NR2F1: variants seen among roughly 807,000 people sequenced by gnomAD.
The protein encoded by NR2F1 is nuclear receptor subfamily 2 group F member 1, also known as COUP transcription factor 1.
A neutral mutation model predicts 37.7 loss-of-function variants in NR2F1; 1 was observed. That is an observed-to-expected ratio of 0.03 (90% confidence interval 0.01 to 0.13). The LOEUF (loss-of-function observed/expected upper bound fraction) is 0.13, where lower values mean the gene tolerates loss of function less well. Ranked by LOEUF, NR2F1 falls within the 10% of genes least tolerant of loss-of-function variation. The pLI is 1.00. For missense variants in NR2F1, 268 were observed against 578.4 expected, an observed-to-expected ratio of 0.46 and a Z score of 5.50; for synonymous variants, 275 against 259.6, an observed-to-expected ratio of 1.06 and a Z score of -0.57.
At chr5:93,587,864 T>A (rs565610394) in intron 1 of NR2F1, 53 bp from the exon 2 acceptor site, 2 of 1,517,048 alleles carry the variant, frequency 1.3e-6, no homozygotes, top group South Asian at 2.6e-5. Context: ...CGCGGCAATG[T>A]TCGCAAGCTC....
chr5:93,585,682 C>A (rs1046973168), intron 1 of NR2F1, 196 bp downstream of exon 1: 6 of 584,438 alleles, frequency 1.0e-5, no homozygotes, highest in Non-Finnish European at 1.8e-5. Flanking sequence ...CTGCCTCCCC[C>A]TCCCGGCCTG....
chr5:93,593,514 C>A lies in NR2F1; in HGVS notation c.992-48C>A, dbSNP rs753149743. 1.3e-6 allele frequency: 2 copies of A among 1,574,422 alleles called. No individual in the cohort carries two copies. The highest frequency in any genetic ancestry group is 2.3e-5 in the East Asian group (1 of 44,262). The stretch of plus-strand genomic sequence containing the variant: ...TTGCCTTTGCTATTTGTCAGCCTAA[C>A]CGTGTGCTCCCTTTCCCTGTCTCTC... On this transcript the variant is annotated intron_variant, in intron 2 of 2. Transcript: ENST00000327111. This position sits in a 1 kb window ranked among gnomAD's most constrained non-coding sequence, Gnocchi z 5.6.
intron 2 of NR2F1, among the ~76,000 whole-genome samples, chr5:93,589,909 C>G (rs951603167): frequency 3.3e-5 from 5 of 152,246 alleles, no homozygotes; most frequent in Non-Finnish European, 7.4e-5. Context: ...CCCCCTTTTA[C>G]TTTCAGTGCA....
intron 2 of NR2F1, among the ~76,000 whole-genome samples, chr5:93,589,971 T>A (rs1249074925): frequency 6.6e-6 from 1 of 152,264 alleles, no homozygotes; most frequent in Non-Finnish European, 1.5e-5. Context: ...GAGGATAAAG[T>A]GCAAACCTTA....
In NR2F1 at chr5:93,593,985, A is replaced by T; in HGVS notation, c.*143A>T. ...GAGGGAGGAGGGCCGAGACAGGAGC[A>T]GCCCACCCAGCAGAAATACAATCCG... On this transcript the variant is annotated 3_prime_UTR_variant, in exon 3 of 3. Coordinates refer to ENST00000327111, the MANE Select transcript of NR2F1 (RefSeq NM_005654.6). This position sits in a 1 kb window ranked among gnomAD's most constrained non-coding sequence, Gnocchi z 5.6. 1 of 672,042 alleles carries T rather than the reference A, an allele frequency of 1.5e-6. No homozygotes were observed. Among genetic ancestry groups the T allele is most frequent in the Non-Finnish European group, 2.5e-6 (1 of 395,752 alleles). The allele number at this position is 672,042 out of a possible 1,614,324, so 41.6% of individuals were successfully genotyped here.
chr5:93,591,815 G>A (rs552626100), intron 2 of NR2F1, among the ~76,000 whole-genome samples: 1 of 152,296 alleles, frequency 6.6e-6, no homozygotes, highest in East Asian at 1.9e-4. Flanking sequence ...ATGGGTCTGG[G>A]TCTGAGTGAG....
chr5:93,588,792 C>CGCGT (rs1013441954), intron 2 of NR2F1, among the ~76,000 whole-genome samples: 4 of 141,004 alleles, frequency 2.8e-5, no homozygotes, highest in Admixed American at 6.9e-5. Context: ...CGCGCGCGCG[C>CGCGT]GTGTGTGTGT....
At position 93,593,584 on chromosome 5, in the gene NR2F1, G is replaced by A. The variant is rs201229023; in HGVS notation, c.1014G>A (p.Ala338=). The change falls in exon 3 of 3, where the codon GCG becomes GCA. Residue 338 remains alanine, a synonymous_variant. Coordinates refer to ENST00000327111, the MANE Select transcript of NR2F1 (RefSeq NM_005654.6). The surrounding 1 kb of genome is among the most constrained non-coding windows in gnomAD (Gnocchi z 5.6). ...FTSDACGLSD[A]AHIESLQEKS... is the part of the protein sequence containing the mutation. ...CAGACGCCTGTGGCCTGTCGGATGC[G>A]GCCCACATCGAGAGCCTGCAGGAGA... The A allele has an allele frequency of 4.3e-5, 69 of 1,613,510 alleles. No homozygotes were observed. The highest frequency in any genetic ancestry group is 3.3e-4 in the Middle Eastern group (2 of 6,080).
At chr5:93,588,976 G>A (rs896807745) in intron 2 of NR2F1, among the ~76,000 whole-genome samples, 4 of 152,148 alleles carry the variant, frequency 2.6e-5, no homozygotes, top group African/African-American at 9.7e-5. Flanking sequence ...GAGAGAGGTG[G>A]AAAGAGAAGA....
rs1274961211 is a variant in NR2F1, at chr5:93,584,810, G to A, written c.-214G>A. 6.7e-4 allele frequency: 104 copies of A among 155,998 alleles called. 3 individuals are homozygous for A. In the East Asian group the frequency reaches 0.012, roughly 18 times the overall value. 9.7% of individuals were successfully genotyped at this position (155,998 alleles called of 1,614,324 possible). A position where few individuals can be genotyped will look rare whatever the true frequency, so the allele number is the denominator to read the frequency against. On this transcript the variant is annotated 5_prime_UTR_variant, in exon 1 of 3. Transcript: ENST00000327111. ...GCGGGCGCGCAGCAGCAGCGGGGCG[G>A]CCGAGGCAGTAGCGGCGGCAGCGGC...
Position 93,583,736 on chromosome 5 carries a change from A to G in NR2F1, c.-1288A>G, listed in dbSNP as rs1753171562. 6.6e-6 allele frequency: 1 copy of G among 152,140 alleles called. No homozygotes were observed. The highest frequency in any genetic ancestry group is 2.4e-5 in the African/African-American group (1 of 41,428). 9.4% of individuals were successfully genotyped at this position (152,140 alleles called of 1,614,324 possible). A position where few individuals can be genotyped will look rare whatever the true frequency, so the allele number is the denominator to read the frequency against. ...TTATAGCAGAAGAAGCAGAAGAAGG[A>G]GCAAGAAAGAGGAAAAGAAGAGGAT... On this transcript the variant is annotated 5_prime_UTR_variant, in exon 1 of 3. Transcript: ENST00000327111.
Position 93,593,974 on chromosome 5 carries a change from G to A in NR2F1, c.*132G>A, listed in dbSNP as rs960391100. ...AGGCTGGGTGGGAGGGAGGAGGGCC[G>A]AGACAGGAGCAGCCCACCCAGCAGA... On this transcript the variant is annotated 3_prime_UTR_variant, in exon 3 of 3. Coordinates refer to ENST00000327111, the MANE Select transcript of NR2F1 (RefSeq NM_005654.6). This position sits in a 1 kb window ranked among gnomAD's most constrained non-coding sequence, Gnocchi z 5.6. The A allele has an allele frequency of 9.0e-6, 7 of 775,556 alleles. No homozygotes were observed. The highest frequency in any genetic ancestry group is 1.7e-5 in the South Asian group (1 of 57,390). The allele number at this position is 775,556 out of a possible 1,614,324, so 48.0% of individuals were successfully genotyped here. A position where few individuals can be genotyped will look rare whatever the true frequency, so the allele number is the denominator to read the frequency against.
chr5:93,588,506 C>T, intron 2 of NR2F1, 62 bp downstream of exon 2: 6 of 1,216,214 alleles, frequency 4.9e-6, no homozygotes, highest in Non-Finnish European at 6.2e-6. Flanking sequence ...CCCGCGCCGC[C>T]CGGGCCTGGC....
At position 93,594,238 on chromosome 5, in the gene NR2F1, C is replaced by CA. The variant is rs1232594981; in HGVS notation, c.*397dup. On this transcript the variant is annotated 3_prime_UTR_variant, in exon 3 of 3. Transcript: ENST00000327111. ...GGATATATTCTGTACAGGAACAACACATATGGAAGTGGACTGAAGCCTATG... is the reference window on the plus strand; with the variant it reads ...GGATATATTCTGTACAGGAACAACACAATATGGAAGTGGACTGAAGCCTATG... The CA allele has an allele frequency of 2.8e-5, 5 of 177,734 alleles. No homozygotes were observed. Among genetic ancestry groups the CA allele is most frequent in the African/African-American group, 1.2e-4 (5 of 42,198 alleles). 11.0% of individuals were successfully genotyped at this position (177,734 alleles called of 1,614,324 possible).
In NR2F1 at chr5:93,585,203, G is replaced by A. The variant is rs1580358489; in HGVS notation, c.180G>A (p.Ala60=). Residue 60 remains alanine (A), a synonymous_variant, in exon 1 of 3, where the codon GCG becomes GCA. Transcript: ENST00000327111. The part of the protein sequence containing the change: ...HTPQTPGQPG[A]PATPGTAGDK... ...CGCAGACCCCGGGCCAGCCCGGAGC[G>A]CCCGCCACCCCCGGCACGGCGGGGG... 11 of 1,538,176 alleles carry A rather than the reference G, an allele frequency of 7.2e-6. No individual in the cohort carries two copies. The highest frequency in any genetic ancestry group is 9.6e-6 in the Non-Finnish European group (11 of 1,142,776).
At position 93,591,195 on chromosome 5, in the gene NR2F1, C is replaced by T. The variant is rs1753323289; in HGVS notation, c.992-2367C>T. Among the ~76,000 whole-genome samples, 5 of 152,248 alleles carry T rather than the reference C, an allele frequency of 3.3e-5. No homozygotes were observed. The South Asian group carries it at 1.0e-3, about 31-fold the overall frequency. On this transcript the variant is annotated intron_variant, in intron 2 of 2. Transcript: ENST00000327111. The stretch of plus-strand genomic sequence containing the variant: ...GTAGAAGAAATATTGAGAGTTCCCA[C>T]ATTGACACTACCGTATAAAAAGTGT...
rs1753218324 is a variant in NR2F1, at chr5:93,585,668, G to A, written c.463+182G>A. On this transcript the variant is annotated intron_variant, in intron 1 of 2. Transcript: ENST00000327111. ...CTCCCCCCGCCCTCCCCAGCTCGCT[G>A]CCGCTGCCTCCCCCTCCCGGCCTGC... 5 of 566,152 alleles carry A rather than the reference G, an allele frequency of 8.8e-6. 1 individual carries two copies. In the Admixed American group the frequency reaches 1.7e-4, roughly 19 times the overall value. The allele number at this position is 566,152 out of a possible 1,614,324, so 35.1% of individuals were successfully genotyped here.
In NR2F1 at chr5:93,588,614, G is replaced by A. The variant is rs1420900160; in HGVS notation, c.991+170G>A. 4.7e-5 allele frequency among the ~76,000 whole-genome samples: 7 copies of A among 149,440 alleles called. No homozygotes were observed. The East Asian group carries it at 1.2e-3, about 25-fold the overall frequency. On this transcript the variant is annotated intron_variant, in intron 2 of 2. Transcript: ENST00000327111. ...GTGACCCCCGCGCGGTGACCGGCTG[G>A]CCGCGCCGCTGCCATCTTGGGAGCG...
chr5:93,593,430 TTC>T lies in NR2F1; in HGVS notation c.992-128_992-127del, dbSNP rs1753368591. 1 of 964,286 alleles carries T rather than the reference TTC, an allele frequency of 1.0e-6. No homozygotes were observed. Among genetic ancestry groups the T allele is most frequent in the Non-Finnish European group, 1.6e-6 (1 of 644,784 alleles). 59.7% of individuals were successfully genotyped at this position (964,286 alleles called of 1,614,324 possible). On this transcript the variant is annotated intron_variant, in intron 2 of 2. Coordinates refer to ENST00000327111, the MANE Select transcript of NR2F1 (RefSeq NM_005654.6). The surrounding 1 kb of genome is among the most constrained non-coding windows in gnomAD (Gnocchi z 5.6). ...AGGTATAGGAGGGTGAATTTTTCTT[TTC>T]TCTTTTACTTCTTTTTTATTTTCCA...
Sources: gnomAD v4.1 joint callset for allele counts (sites outside exome capture counted in the v4.1 genomes callset) on GRCh38, gnomAD v4.1.1 for gene constraint, Gnocchi (gnomAD v3.1) non-coding constraint, MANE v1.5 for transcripts, NCBI Gene and HGNC (gene_info 2026-07-23, HGNC 2026-07-21) for gene names.